Variants in INPP4B observed in about 807,000 individuals in gnomAD.
INPP4B encodes the protein inositol polyphosphate-4-phosphatase type II B.
Under a neutral mutation model 122.5 loss-of-function variants are expected in INPP4B, and 55 were observed. The observed-to-expected ratio is 0.45, with a 90% CI of 0.36 to 0.56. The LOEUF is 0.56. INPP4B is among the 20% of genes least tolerant of loss of function. INPP4B has a pLI of 0.00. For synonymous variants in INPP4B, 403 were observed against 388.7 expected (o/e 1.04, Z -0.43); for missense variants, 1,000 against 1,097.7 (o/e 0.91, Z 1.26).
chr4:142,789,445 A>G (rs918505927), intron 1 of INPP4B, among the ~76,000 whole-genome samples: 1 of 152,126 alleles, frequency 6.6e-6, no homozygotes, highest in African/African-American at 2.4e-5. Context: ...ACAGTGACCA[A>G]GTTGAGGATC....
intron 14 of INPP4B, among the ~76,000 whole-genome samples, chr4:142,201,222 A>G (rs1840486627): frequency 6.6e-6 from 1 of 152,056 alleles, no homozygotes; most frequent in South Asian, 2.1e-4. Flanking sequence ...AATTTAAGCC[A>G]AAGGAAACAG....
chr4:142,111,093 T>G (rs1173523894), intron 22 of INPP4B, among the ~76,000 whole-genome samples: 1 of 152,164 alleles, frequency 6.6e-6, no homozygotes, highest in Non-Finnish European at 1.5e-5. Flanking sequence ...GAATATAATC[T>G]AATCCTAGAA....
rs574274106 is a variant in INPP4B at position 142,339,801 on chromosome 4, G to A, written c.373-25039C>T. Among the ~76,000 whole-genome samples, 13 of 152,096 alleles carry A rather than the reference G, an allele frequency of 8.5e-5. No individual in the cohort carries two copies. In the South Asian group the frequency reaches 1.7e-3, roughly 19 times the overall value. Reference sequence around the variant, plus strand: ...CTCCCTAAGAAAAAAAGGCAGTTTTGATGCTTATTCATCTATTCCTCATTG... The same window carrying A: ...CTCCCTAAGAAAAAAAGGCAGTTTTAATGCTTATTCATCTATTCCTCATTG... On this transcript the variant is annotated intron_variant, in intron 7 of 25. Transcript: ENST00000262992.
intron 2 of INPP4B, among the ~76,000 whole-genome samples, chr4:142,693,523 A>C (rs1204660123): frequency 2.7e-5 from 2 of 74,324 alleles, no homozygotes; most frequent in African/African-American, 9.6e-5. Context: ...AAAAAAAAAA[A>C]AAAAAAAAAA....
chr4:142,429,484 CAAACATA>C (rs1166874221), intron 4 of INPP4B, among the ~76,000 whole-genome samples: 2 of 151,924 alleles, frequency 1.3e-5, no homozygotes, highest in East Asian at 3.9e-4. Context: ...TAAGCCATGG[CAAACATA>C]AAACATATTT....
chr4:142,763,764 G>A (rs910969291), intron 1 of INPP4B, among the ~76,000 whole-genome samples: 1 of 151,942 alleles, frequency 6.6e-6, no homozygotes, highest in African/African-American at 2.4e-5. Flanking sequence ...CAATTTTTAT[G>A]CCATACATCT....
chr4:142,752,813 C>T (rs1044963032), intron 1 of INPP4B, among the ~76,000 whole-genome samples: 1 of 152,108 alleles, frequency 6.6e-6, no homozygotes, highest in African/African-American at 2.4e-5. Context: ...TTTTCCTGTA[C>T]ATCCTGAGAG....
chr4:142,436,398 CG>C (rs1810529327), intron 3 of INPP4B, among the ~76,000 whole-genome samples: 1 of 152,176 alleles, frequency 6.6e-6, no homozygotes, highest in Non-Finnish European at 1.5e-5. Context: ...CCCTCCACCA[CG>C]GGACAGCGAA....
At chr4:142,141,994 T>C (rs957986470) in intron 18 of INPP4B, among the ~76,000 whole-genome samples, 1 of 152,034 alleles carries the variant, frequency 6.6e-6, no homozygotes, top group Non-Finnish European at 1.5e-5. Flanking sequence ...TGATTTAAAA[T>C]AGATACAGAA....
intron 2 of INPP4B, among the ~76,000 whole-genome samples, chr4:142,718,686 A>C (rs1361294470): frequency 1.3e-5 from 2 of 152,208 alleles, no homozygotes; most frequent in African/African-American, 4.8e-5. Context: ...ATTGATGTTC[A>C]TATGCCAAGT....
intron 1 of INPP4B, among the ~76,000 whole-genome samples, chr4:142,778,193 G>A (rs1053782320): frequency 4.6e-5 from 7 of 152,064 alleles, no homozygotes; most frequent in African/African-American, 1.7e-4. Context: ...TGATATATGT[G>A]GAAGTCTCTG....
Position 142,522,065 on chromosome 4 carries a change from C to A in INPP4B, c.-190-59339G>T, listed in dbSNP as rs1350076039. 2.6e-5 allele frequency among the ~76,000 whole-genome samples: 4 copies of A among 152,104 alleles called. 1 individual carries two copies. The highest frequency in any genetic ancestry group is 2.6e-4 in the Admixed American group (4 of 15,254). ...GTGTGCTTTGGGCAAGTTATTTCTC[C>A]TCTACTGGATTCAATATGCATATAT... is the stretch of plus-strand genomic sequence containing the variant. On this transcript the variant is annotated intron_variant, in intron 2 of 25. Transcript: ENST00000262992.
intron 1 of INPP4B, among the ~76,000 whole-genome samples, chr4:142,845,553 C>G (rs1253296992): frequency 6.6e-6 from 1 of 152,072 alleles, no homozygotes; most frequent in Non-Finnish European, 1.5e-5. Flanking sequence ...GCCTGATGGC[C>G]GAGAGAAGAC....
chr4:142,728,294 A>G (rs1032550930), intron 1 of INPP4B, among the ~76,000 whole-genome samples: 9 of 152,204 alleles, frequency 5.9e-5, no homozygotes, highest in Non-Finnish European at 1.3e-4. Flanking sequence ...AGTACAGCAT[A>G]TATGTCTTCT....
intron 25 of INPP4B, 121 bp from the exon 26 acceptor site, chr4:142,029,035 T>C: frequency 7.0e-7 from 1 of 1,419,492 alleles, no homozygotes; most frequent in Non-Finnish European, 9.2e-7. Flanking sequence ...AACTCTACAT[T>C]TTTTTTTTCC....
rs1187576739 is a variant in INPP4B, at chr4:142,683,543, A to T, written c.-191+42296T>A. Among the ~76,000 whole-genome samples the T allele has an allele frequency of 2.0e-5, 3 of 151,688 alleles. No individual in the cohort carries two copies. In the East Asian group the frequency reaches 6.0e-4, roughly 31 times the overall value. On this transcript the variant is annotated intron_variant, in intron 2 of 25. Coordinates refer to ENST00000262992, the MANE Select transcript of INPP4B (RefSeq NM_001101669.3). ...CTTGGAAGCTAGCAGGACTAGTTTC[A>T]TTCCCAAGAGTTGGTAGTCATTGAG...
chr4:142,136,339 C>G (rs1804241400), intron 18 of INPP4B, among the ~76,000 whole-genome samples: 1 of 152,156 alleles, frequency 6.6e-6, no homozygotes, highest in Admixed American at 6.5e-5. Context: ...GCTTCATCAC[C>G]CTATTGGACT....
At chr4:142,380,145 C>T (rs955018394) in intron 7 of INPP4B, among the ~76,000 whole-genome samples, 1 of 152,200 alleles carries the variant, frequency 6.6e-6, no homozygotes, top group East Asian at 1.9e-4. Context: ...GCTCCTAGAT[C>T]CACTGTGAAA....
intron 2 of INPP4B, among the ~76,000 whole-genome samples, chr4:142,643,614 G>T (rs1485613579): frequency 6.6e-6 from 1 of 151,994 alleles, no homozygotes; most frequent in Non-Finnish European, 1.5e-5. Flanking sequence ...TTTTGAAAAA[G>T]ATAACTCTGT....
Sources: allele counts gnomAD v4.1 joint callset (sites outside exome capture counted in the v4.1 genomes callset), GRCh38; gene constraint gnomAD v4.1.1; transcripts MANE v1.5; gene names NCBI Gene and HGNC (gene_info 2026-07-23, HGNC 2026-07-21).